The following PDE4D variants were observed in gnomAD, a reference collection of about 807,000 sequenced individuals.
PDE4D encodes the protein phosphodiesterase 4D, also known as 3',5'-cyclic-AMP phosphodiesterase 4D.
A neutral mutation model predicts 87.4 loss-of-function variants in PDE4D; 24 were observed. The ratio of observed to expected loss-of-function variants is 0.27; its 90% confidence interval spans 0.20 to 0.39. PDE4D has a LOEUF of 0.39. Ranked by LOEUF, PDE4D falls within the 10% of genes least tolerant of loss-of-function variation. PDE4D has a pLI of 1.00. For missense variants in PDE4D, 714 were observed against 1,041.0 expected, an observed-to-expected ratio of 0.69 and a Z score of 4.32; for synonymous variants, 384 against 383.2, an observed-to-expected ratio of 1.00 and a Z score of -0.02.
chr5:59,199,604 A>G (rs914881298), intron 2 of PDE4D, among the ~76,000 whole-genome samples: 1 of 152,282 alleles, frequency 6.6e-6, no homozygotes, highest in Non-Finnish European at 1.5e-5. Context: ...ACTATCATCC[A>G]TCTATCAATT....
At chr5:59,101,177 ATACATT>A (rs1770673835) in intron 5 of PDE4D, among the ~76,000 whole-genome samples, 1 of 152,102 alleles carries the variant, frequency 6.6e-6, no homozygotes, top group Admixed American at 6.5e-5. Flanking sequence ...CTCTACACAG[ATACATT>A]AATCCCTCTA....
intron 1 of PDE4D, among the ~76,000 whole-genome samples, chr5:59,665,115 C>A (rs1745862495): frequency 6.6e-6 from 1 of 152,212 alleles, no homozygotes; most frequent in Non-Finnish European, 1.5e-5. Context: ...CAGACATGAA[C>A]TGATTGTCTT....
Position 59,156,318 on chromosome 5 carries a change from A to ATATATAT in PDE4D, c.808+24276_808+24277insATATATA, listed in dbSNP as rs530343458. 4.3e-3 allele frequency among the ~76,000 whole-genome samples: 91 copies of ATATATAT among 21,286 alleles called. 3 individuals are homozygous for ATATATAT. Among genetic ancestry groups the ATATATAT allele is most frequent in the Middle Eastern group, 0.025 (1 of 40 alleles). The allele number at this position is 21,286 out of a possible 152,430, so 14.0% of individuals were successfully genotyped here. A position where few individuals can be genotyped will look rare whatever the true frequency, so the allele number is the denominator to read the frequency against. ...AACTAGAGACTTGCCAGAAAAAAAA[A>ATATATAT]AAATATATATATATGTGTGTGTGTG... is the stretch of plus-strand genomic sequence containing the variant. On this transcript the variant is annotated intron_variant, in intron 5 of 14. Coordinates refer to ENST00000340635, the MANE Select transcript of PDE4D (RefSeq NM_001104631.2).
At chr5:59,198,305 G>A (rs1328398817) in intron 2 of PDE4D, among the ~76,000 whole-genome samples, 1 of 151,482 alleles carries the variant, frequency 6.6e-6, no homozygotes, top group Non-Finnish European at 1.5e-5. Context: ...TTGACACTGC[G>A]TGTCTATATG....
chr5:59,312,895 A>T (rs1358575640), intron 1 of PDE4D, among the ~76,000 whole-genome samples: 1 of 152,142 alleles, frequency 6.6e-6, no homozygotes, highest in East Asian at 1.9e-4. Flanking sequence ...ACTGCCACTG[A>T]TGCAGAAGAC....
chr5:59,756,535 C>CACACACACACACACAGAG (rs1355152924), intron 1 of PDE4D, among the ~76,000 whole-genome samples: 1 of 149,974 alleles, frequency 6.7e-6, no homozygotes, highest in African/African-American at 2.5e-5. Flanking sequence ...CACACACACA[C>CACACACACACACACAGAG]AGAGACACAC....
intron 1 of PDE4D, among the ~76,000 whole-genome samples, chr5:60,229,536 C>T (rs1745556303): frequency 1.3e-5 from 2 of 152,102 alleles, no homozygotes; most frequent in East Asian, 3.9e-4. Flanking sequence ...TTCAGAGAAG[C>T]TAGGAAAATA....
chr5:60,083,976 C>T (rs1350359965), intron 2 of PDE4D, among the ~76,000 whole-genome samples: 1 of 152,148 alleles, frequency 6.6e-6, no homozygotes, highest in Non-Finnish European at 1.5e-5. Flanking sequence ...AAAGTATATG[C>T]CAGTTTTCTT....
At position 60,070,324 on chromosome 5, in the gene PDE4D, T is replaced by C. The variant is rs544222673; in HGVS notation, c.43-81607A>G. Among the ~76,000 whole-genome samples the C allele has an allele frequency of 1.1e-4, 17 of 152,252 alleles. No homozygotes were observed. The South Asian group carries it at 3.5e-3, about 32-fold the overall frequency. ...GAGTATGACGTTAGTGATGGGCATT[T>C]AATATATGGCTTTTATTATGTTGAG... is the stretch of plus-strand genomic sequence containing the variant. On this transcript the variant is annotated intron_variant, in intron 2 of 16. Transcript: ENST00000502484.
chr5:59,289,271 T>C (rs1299736111), intron 1 of PDE4D, among the ~76,000 whole-genome samples: 1 of 152,096 alleles, frequency 6.6e-6, no homozygotes, highest in African/African-American at 2.4e-5. Context: ...CAGTGTTAAG[T>C]TGTTATCAGT....
At chr5:59,879,942 T>C (rs13156655) in intron 1 of PDE4D, among the ~76,000 whole-genome samples, 8,513 of 152,138 alleles carry the variant, frequency 0.056, 303 homozygotes, top group African/African-American at 0.098. Flanking sequence ...GGTTTCACCA[T>C]GTTGGTCAGG....
chr5:59,218,737 A>T (rs1409532842), intron 1 of PDE4D, among the ~76,000 whole-genome samples: 2 of 152,164 alleles, frequency 1.3e-5, no homozygotes, highest in Non-Finnish European at 2.9e-5. Flanking sequence ...TCCAAAAAAC[A>T]AAGTTCACAA....
At chr5:59,357,694 A>G (rs1781605907) in intron 1 of PDE4D, among the ~76,000 whole-genome samples, 1 of 152,250 alleles carries the variant, frequency 6.6e-6, no homozygotes, top group African/African-American at 2.4e-5. Flanking sequence ...TAAATAAATG[A>G]TGAAAGCCAA....
chr5:59,867,479 A>T (rs1319398950), intron 1 of PDE4D, among the ~76,000 whole-genome samples: 2 of 152,204 alleles, frequency 1.3e-5, no homozygotes, highest in African/African-American at 2.4e-5. Flanking sequence ...AAGCAAAAAT[A>T]GTCATGTGAG....
intron 2 of PDE4D, among the ~76,000 whole-genome samples, chr5:60,108,888 A>C (rs1258848367): frequency 6.6e-6 from 1 of 152,094 alleles, no homozygotes; most frequent in Non-Finnish European, 1.5e-5. Context: ...TAAATGTTAG[A>C]CCTAAAACCA....
intron 1 of PDE4D, among the ~76,000 whole-genome samples, chr5:59,224,689 C>T (rs1286684852): frequency 6.6e-6 from 1 of 152,076 alleles, no homozygotes; most frequent in Non-Finnish European, 1.5e-5. Flanking sequence ...ATCTTGTTTC[C>T]CCTAGAATTC....
At chr5:59,315,622 A>C (rs1456159949) in intron 1 of PDE4D, among the ~76,000 whole-genome samples, 1 of 152,090 alleles carries the variant, frequency 6.6e-6, no homozygotes, top group Non-Finnish European at 1.5e-5. Context: ...GGGAGGGGGA[A>C]ATTTCCTAAC....
intron 1 of PDE4D, among the ~76,000 whole-genome samples, chr5:60,294,663 T>G (rs1753213946): frequency 6.6e-6 from 1 of 152,146 alleles, no homozygotes; most frequent in Non-Finnish European, 1.5e-5. Context: ...AAAAATCAAT[T>G]TACTTTATAA....
chr5:59,357,909 G>A (rs1408655305), intron 1 of PDE4D, among the ~76,000 whole-genome samples: 1 of 152,172 alleles, frequency 6.6e-6, no homozygotes, highest in African/African-American at 2.4e-5. Context: ...AACCAAGGGA[G>A]AGCGCCACTT....
Sources: gnomAD v4.1 joint callset for allele counts (sites outside exome capture counted in the v4.1 genomes callset) on GRCh38, gnomAD v4.1.1 for gene constraint, MANE v1.5 for transcripts, NCBI Gene and HGNC (gene_info 2026-07-23, HGNC 2026-07-21) for gene names.